STK39: variants seen among roughly 807,000 people sequenced by gnomAD.
STK39 encodes serine/threonine kinase 39, also known as STE20/SPS1-related proline-alanine-rich protein kinase.
STK39 carries 20 observed loss-of-function variants against 77.8 expected under a neutral mutation model. The observed-to-expected ratio is 0.26, with a 90% CI of 0.18 to 0.37. The LOEUF is 0.37. Among genes scored for constraint, STK39 ranks in the 10% least tolerant of loss-of-function variants. The probability of loss-of-function intolerance (pLI) is 1.00; values close to 1 mark genes in which losing one functional copy is unlikely to be tolerated. For synonymous variants in STK39, 246 were observed against 234.1 expected (o/e 1.05, Z -0.47); for missense variants, 479 against 656.5 (o/e 0.73, Z 2.95).
chr2:167,980,832 T>C (rs1683398187), intron 16 of STK39, among the ~76,000 whole-genome samples: 1 of 152,036 alleles, frequency 6.6e-6, no homozygotes, highest in Non-Finnish European at 1.5e-5. Context: ...TCTTCTTTTT[T>C]TAAATCTGTA....
At chr2:168,091,312 A>G (rs1259717810) in intron 10 of STK39, among the ~76,000 whole-genome samples, 1 of 152,226 alleles carries the variant, frequency 6.6e-6, no homozygotes, top group Non-Finnish European at 1.5e-5. Flanking sequence ...CATGCCTCAC[A>G]TTTAAACTTC....
chr2:167,958,782 G>C (rs1182649020), intron 17 of STK39, among the ~76,000 whole-genome samples: 3 of 152,208 alleles, frequency 2.0e-5, no homozygotes, highest in African/African-American at 7.2e-5. Context: ...TGAAACCACA[G>C]TATTGAAGTT....
intron 14 of STK39, among the ~76,000 whole-genome samples, chr2:168,038,201 T>C (rs1224709587): frequency 4.6e-5 from 7 of 151,748 alleles, no homozygotes; most frequent in Non-Finnish European, 1.0e-4. Flanking sequence ...AACAAAATGT[T>C]AATACATGTA....
intron 10 of STK39, among the ~76,000 whole-genome samples, chr2:168,089,650 G>C (rs1439175511): frequency 6.6e-6 from 1 of 152,184 alleles, no homozygotes; most frequent in Non-Finnish European, 1.5e-5. Context: ...TTTCGCTCTT[G>C]TTGCCCAGGC....
At chr2:168,055,500 C>T (rs1178353686) in intron 14 of STK39, among the ~76,000 whole-genome samples, 1 of 152,212 alleles carries the variant, frequency 6.6e-6, no homozygotes, top group Non-Finnish European at 1.5e-5. Flanking sequence ...AGCCACTCTG[C>T]TGATCTGGGG....
intron 1 of STK39, among the ~76,000 whole-genome samples, chr2:168,197,487 G>A (rs1420586662): frequency 6.6e-6 from 1 of 152,196 alleles, no homozygotes; most frequent in African/African-American, 2.4e-5. Context: ...AACAAGGAAA[G>A]GTGAGGATGC....
At chr2:168,242,954 A>G (rs564540815) in intron 1 of STK39, among the ~76,000 whole-genome samples, 2 of 151,902 alleles carry the variant, frequency 1.3e-5, no homozygotes, top group South Asian at 4.2e-4. Context: ...ATTTATTAAA[A>G]AAGAAAGTGA....
intron 1 of STK39, among the ~76,000 whole-genome samples, chr2:168,183,618 GA>G (rs1408562792): frequency 1.3e-5 from 2 of 152,206 alleles, no homozygotes; most frequent in African/African-American, 4.8e-5. Context: ...TGGTTCAACA[GA>G]AGACAAACAA....
intron 2 of STK39, among the ~76,000 whole-genome samples, chr2:168,178,889 C>T (rs1442627394): frequency 6.6e-6 from 1 of 152,106 alleles, no homozygotes; most frequent in Non-Finnish European, 1.5e-5. Flanking sequence ...CTGTTGTGTG[C>T]CATCAATTCT....
intron 5 of STK39, among the ~76,000 whole-genome samples, chr2:168,147,347 C>T (rs1030151826): frequency 1.3e-5 from 2 of 152,150 alleles, no homozygotes; most frequent in East Asian, 1.9e-4. Context: ...CCGGCCTTCC[C>T]GAGTCCCACA....
At chr2:168,080,073 C>T (rs1686187447) in intron 10 of STK39, among the ~76,000 whole-genome samples, 1 of 152,194 alleles carries the variant, frequency 6.6e-6, no homozygotes, top group Non-Finnish European at 1.5e-5. Context: ...CTTAAAATAA[C>T]TTCCTCTGCT....
At chr2:168,036,222 GA>G (rs34348905) in intron 14 of STK39, among the ~76,000 whole-genome samples, 19,839 of 146,638 alleles carry the variant, frequency 0.14, 1,529 homozygotes, top group Middle Eastern at 0.18. Context: ...TCCATACAGG[GA>G]AAAAAAAAAA....
chr2:168,086,045 C>T (rs1468900211), intron 10 of STK39, among the ~76,000 whole-genome samples: 1 of 152,156 alleles, frequency 6.6e-6, no homozygotes, highest in African/African-American at 2.4e-5. Flanking sequence ...GAATCCCTGA[C>T]CCACAGAAAC....
intron 16 of STK39, among the ~76,000 whole-genome samples, chr2:167,967,252 A>G (rs1265818868): frequency 2.0e-5 from 3 of 152,180 alleles, no homozygotes; most frequent in Admixed American, 2.0e-4. Context: ...TGCAGCAGAC[A>G]TTGTGCTATC....
At chr2:168,244,489 G>A (rs1205145708) in intron 1 of STK39, among the ~76,000 whole-genome samples, 2 of 152,202 alleles carry the variant, frequency 1.3e-5, no homozygotes, top group African/African-American at 4.8e-5. Context: ...CATATCATAT[G>A]ACACCTGCCG....
At chr2:168,102,423 C>T (rs1437512447) in intron 10 of STK39, among the ~76,000 whole-genome samples, 1 of 152,136 alleles carries the variant, frequency 6.6e-6, no homozygotes, top group Non-Finnish European at 1.5e-5. Context: ...AGGTAAAAAC[C>T]AATCCGTATT....
intron 10 of STK39, among the ~76,000 whole-genome samples, chr2:168,127,089 A>G (rs542999907): frequency 9.8e-5 from 15 of 152,360 alleles, no homozygotes; most frequent in African/African-American, 3.6e-4. Context: ...TGTTTAAGAT[A>G]GATGCAAACT....
intron 16 of STK39, among the ~76,000 whole-genome samples, chr2:167,978,947 C>A (rs1284286563): frequency 6.6e-6 from 1 of 152,152 alleles, no homozygotes; most frequent in African/African-American, 2.4e-5. Flanking sequence ...AATTATTGAT[C>A]ATGATTATTT....
Position 168,074,983 on chromosome 2 carries a change from T to A in STK39, c.1241A>T (p.Glu414Val). ...AATAAATAAATAGCCACAGCTCACC[T>A]CTGGATTTTCTTCTTTTACTCTTCG... ...KSRRVKEENP[E>V]IAVSASTIPE... The change falls in exon 12 of 18, where the codon GAG becomes GTG. Residue 414 changes from glutamate (E) to valine (V), a missense_variant and splice_region_variant. Glu to Val is a moderately radical substitution (Grantham distance 121). Around this residue, in one of 3 missense-constraint regions of STK39, gnomAD observed 244 missense variants for 296.8 expected, o/e 0.82. Coordinates refer to ENST00000355999, the MANE Select transcript of STK39 (RefSeq NM_013233.3). The A allele has an allele frequency of 3.1e-6, 5 of 1,613,542 alleles. No homozygotes were observed. The highest frequency in any genetic ancestry group is 4.2e-6 in the Non-Finnish European group (5 of 1,179,968).
Sources: allele counts gnomAD v4.1 joint callset (sites outside exome capture counted in the v4.1 genomes callset), GRCh38; gene constraint gnomAD v4.1.1; regional missense constraint gnomAD v4.1.1; transcripts MANE v1.5; gene names NCBI Gene and HGNC (gene_info 2026-07-23, HGNC 2026-07-21).